Variants in TRAPPC9 observed in about 807,000 individuals in gnomAD.
The protein encoded by TRAPPC9 is IKK2 binding protein.
TRAPPC9 carries 83 observed loss-of-function variants against 124.0 expected under a neutral mutation model. The observed-to-expected ratio is 0.67, with a 90% CI of 0.56 to 0.80. TRAPPC9 has a LOEUF of 0.80. TRAPPC9 is among the 30% of genes least tolerant of loss of function. TRAPPC9 has a pLI of 0.00. For missense variants in TRAPPC9, 1,302 were observed against 1,508.3 expected (o/e 0.86, Z 2.27); for synonymous variants, 638 against 617.5 (o/e 1.03, Z -0.49).
rs369843908 is a variant in TRAPPC9 at position 140,028,897 on chromosome 8, T to C, written c.2557-4818A>G. ...GAAGACAGGATTAGACAATTATCAA[T>C]TGAAAATGGATAAATAATGGAAAAA... On this transcript the variant is annotated intron_variant, in intron 17 of 22. Coordinates refer to ENST00000438773, the MANE Select transcript of TRAPPC9 (RefSeq NM_001160372.4). Among the ~76,000 whole-genome samples the C allele has an allele frequency of 1.2e-4, 18 of 152,192 alleles. No individual in the cohort carries two copies. In the East Asian group the frequency reaches 1.4e-3, roughly 11 times the overall value.
chr8:139,829,189 G>A (rs56312852), intron 21 of TRAPPC9, among the ~76,000 whole-genome samples: 27,021 of 152,208 alleles, frequency 0.18, 2,768 homozygotes, highest in East Asian at 0.45. Context: ...GTAAATGTAC[G>A]GAGACGCCCT....
intron 21 of TRAPPC9, among the ~76,000 whole-genome samples, chr8:139,756,068 G>A (rs1819743153): frequency 1.7e-5 from 2 of 115,416 alleles, no homozygotes. Flanking sequence ...CAGGTCGCAG[G>A]AGGAGCCAGG....
chr8:140,172,622 C>T (rs1413037901), intron 17 of TRAPPC9, among the ~76,000 whole-genome samples: 1 of 152,134 alleles, frequency 6.6e-6, no homozygotes, highest in South Asian at 2.1e-4. Flanking sequence ...ATGAGAGCTA[C>T]GATCGCAGCA....
intron 19 of TRAPPC9, among the ~76,000 whole-genome samples, chr8:139,949,742 G>A (rs780959652): frequency 2.6e-5 from 4 of 152,126 alleles, no homozygotes; most frequent in Non-Finnish European, 5.9e-5. Context: ...GGCTGGGGGT[G>A]GGGGAAGTGG....
chr8:139,991,588 G>GTTT (rs35364219), intron 18 of TRAPPC9, among the ~76,000 whole-genome samples: 3 of 142,908 alleles, frequency 2.1e-5, no homozygotes, highest in Non-Finnish European at 4.6e-5. Flanking sequence ...TTTTGGGTTT[G>GTTT]TTTTTTTTTT....
chr8:139,854,393 A>G (rs1291031461), intron 21 of TRAPPC9, among the ~76,000 whole-genome samples: 1 of 152,200 alleles, frequency 6.6e-6, no homozygotes, highest in Non-Finnish European at 1.5e-5. Flanking sequence ...GGCAGGCCTC[A>G]CTCTGCCACT....
intron 17 of TRAPPC9, among the ~76,000 whole-genome samples, chr8:140,147,874 A>G (rs1346995903): frequency 6.6e-6 from 1 of 152,224 alleles, no homozygotes; most frequent in Non-Finnish European, 1.5e-5. Context: ...CTGTGACCAG[A>G]CCCGGCAGGT....
At chr8:139,804,071 C>T (rs13281082) in intron 21 of TRAPPC9, among the ~76,000 whole-genome samples, 1 of 147,110 alleles carries the variant, frequency 6.8e-6, no homozygotes, top group African/African-American at 2.7e-5. Flanking sequence ...AGCACCGCCG[C>T]CACCACCACG....
intron 21 of TRAPPC9, 76 bp downstream of exon 21, chr8:139,885,803 C>T: frequency 6.9e-7 from 1 of 1,442,782 alleles, no homozygotes; most frequent in Non-Finnish European, 9.5e-7. Context: ...AGCCACACCC[C>T]CCAAGACCTT....
intron 19 of TRAPPC9, among the ~76,000 whole-genome samples, chr8:139,947,242 T>C (rs1385617983): frequency 6.6e-6 from 1 of 152,152 alleles, no homozygotes; most frequent in African/African-American, 2.4e-5. Context: ...ATTCTCACAC[T>C]TCAGATGCGA....
At chr8:139,732,678 T>C (rs1435945501) in intron 21 of TRAPPC9, among the ~76,000 whole-genome samples, 2 of 152,190 alleles carry the variant, frequency 1.3e-5, no homozygotes, top group Non-Finnish European at 2.9e-5. Context: ...CAGGAGGTGG[T>C]GTCTTGATCT....
chr8:140,169,301 G>A (rs568991108), intron 17 of TRAPPC9, among the ~76,000 whole-genome samples: 2 of 152,300 alleles, frequency 1.3e-5, no homozygotes, highest in East Asian at 3.9e-4. Flanking sequence ...GTGTTGGTAA[G>A]GGTGTGGAGA....
chr8:139,789,619 C>A (rs1427234039), intron 21 of TRAPPC9, among the ~76,000 whole-genome samples: 1 of 152,212 alleles, frequency 6.6e-6, no homozygotes, highest in Non-Finnish European at 1.5e-5. Context: ...GTCAACAGTG[C>A]TGGGGGGACA....
At chr8:139,783,181 G>A (rs1288181837) in intron 21 of TRAPPC9, among the ~76,000 whole-genome samples, 1 of 151,494 alleles carries the variant, frequency 6.6e-6, no homozygotes, top group East Asian at 1.9e-4. Flanking sequence ...AGGATGAACA[G>A]CAAAATGGAA....
chr8:140,291,420 C>T (rs577547405), intron 11 of TRAPPC9, among the ~76,000 whole-genome samples: 4 of 152,360 alleles, frequency 2.6e-5, no homozygotes, highest in East Asian at 3.9e-4. Context: ...CACAGGAAGA[C>T]GGCACTGGGG....
intron 20 of TRAPPC9, among the ~76,000 whole-genome samples, chr8:139,899,459 C>T (rs944747996): frequency 1.2e-4 from 18 of 152,098 alleles, no homozygotes; most frequent in African/African-American, 4.3e-4. Flanking sequence ...AGTGGACCAT[C>T]CTTCATCCTT....
rs2132002069 is a variant in TRAPPC9, at chr8:140,331,341, A to T, written c.1496-19967T>A. 2.6e-5 allele frequency among the ~76,000 whole-genome samples: 4 copies of T among 152,318 alleles called. No homozygotes were observed. In the Middle Eastern group the frequency reaches 0.01, roughly 389 times the overall value. ...TGACTCAAAAGGGATTGAAGACTTAAATGTAAAAACCAAAACTACAAATCT... is the reference window on the plus strand; with the variant it reads ...TGACTCAAAAGGGATTGAAGACTTATATGTAAAAACCAAAACTACAAATCT... On this transcript the variant is annotated intron_variant, in intron 9 of 22. Coordinates refer to ENST00000438773, the MANE Select transcript of TRAPPC9 (RefSeq NM_001160372.4).
At chr8:140,410,138 C>A (rs1230910535) in intron 5 of TRAPPC9, among the ~76,000 whole-genome samples, 1 of 89,770 alleles carries the variant, frequency 1.1e-5, no homozygotes. Context: ...GAGACCTTGT[C>A]TCCAAAAAAA....
rs1822420974 is a variant in TRAPPC9, at chr8:139,788,383, C to T, written c.3056-56181G>A. Among the ~76,000 whole-genome samples, 1 of 152,222 alleles carries T rather than the reference C, an allele frequency of 6.6e-6. No individual in the cohort carries two copies. The highest frequency in any genetic ancestry group is 1.5e-5 in the Non-Finnish European group (1 of 68,046). On this transcript the variant is annotated intron_variant, in intron 21 of 22. Coordinates refer to ENST00000438773, the MANE Select transcript of TRAPPC9 (RefSeq NM_001160372.4). This position sits in a 1 kb window ranked among gnomAD's most constrained non-coding sequence, Gnocchi z 4.9. Reference sequence around the variant, plus strand: ...GAACAGGTTTCTAAAAATAGCCTGGCCTGTCAAAACTGTTAACTATCAGGC... The same window carrying T: ...GAACAGGTTTCTAAAAATAGCCTGGTCTGTCAAAACTGTTAACTATCAGGC...
Sources: gnomAD v4.1 joint callset for allele counts (sites outside exome capture counted in the v4.1 genomes callset) on GRCh38, gnomAD v4.1.1 for gene constraint, Gnocchi (gnomAD v3.1) non-coding constraint, MANE v1.5 for transcripts, NCBI Gene and HGNC (gene_info 2026-07-23, HGNC 2026-07-21) for gene names.